The following RPTOR variants were observed in gnomAD, a reference collection of about 807,000 sequenced individuals.
The protein encoded by RPTOR is regulatory associated protein of MTOR complex 1.
Under a neutral mutation model 169.9 loss-of-function variants are expected in RPTOR, and 21 were observed. The observed-to-expected ratio is 0.12, with a 90% confidence interval of 0.09 to 0.18. RPTOR has a LOEUF of 0.18. Among genes scored for constraint, RPTOR ranks in the 10% least tolerant of loss-of-function variants. The probability of loss-of-function intolerance (pLI) is 1.00; values close to 1 mark genes in which losing one functional copy is unlikely to be tolerated. For synonymous variants in RPTOR, 732 were observed against 753.2 expected (o/e 0.97, Z 0.46); for missense variants, 1,133 against 1,855.9 (o/e 0.61, Z 7.16).
intron 4 of RPTOR, among the ~76,000 whole-genome samples, chr17:80,711,737 C>T (rs1029855587): frequency 5.0e-4 from 36 of 72,550 alleles, no homozygotes; most frequent in African/African-American, 3.5e-3. Flanking sequence ...TATAGTTATA[C>T]ATCAGTCTTT....
chr17:80,661,890 C>T (rs1190542992), intron 3 of RPTOR, among the ~76,000 whole-genome samples: 1 of 152,158 alleles, frequency 6.6e-6, no homozygotes, highest in African/African-American at 2.4e-5. Flanking sequence ...CGCTGCACAC[C>T]AGGGCCTCGG....
chr17:80,891,687 G>A (rs1567971148), intron 17 of RPTOR, 33 bp from the exon 18 acceptor site: 1 of 1,407,100 alleles, frequency 7.1e-7, no homozygotes, highest in Non-Finnish European at 1.0e-6. Context: ...TCCAGCCCCA[G>A]TGACTGTTAT....
chr17:80,757,244 T>C (rs1485159956), intron 6 of RPTOR, among the ~76,000 whole-genome samples: 1 of 152,172 alleles, frequency 6.6e-6, no homozygotes, highest in East Asian at 1.9e-4. Flanking sequence ...TTGGGAAAGC[T>C]GGAAGCCCTC....
intron 28 of RPTOR, among the ~76,000 whole-genome samples, chr17:80,955,192 G>A (rs1248478661): frequency 6.6e-6 from 1 of 152,234 alleles, no homozygotes; most frequent in Non-Finnish European, 1.5e-5. Context: ...ATGCAGACCA[G>A]CCAAGGCAAT....
chr17:80,920,813 T>G (rs1056334059), intron 21 of RPTOR, among the ~76,000 whole-genome samples: 4 of 152,256 alleles, frequency 2.6e-5, no homozygotes, highest in Non-Finnish European at 4.4e-5. Context: ...CCAGACATTT[T>G]GAGAAGGCAC....
At chr17:80,741,589 G>A (rs534139968) in intron 5 of RPTOR, among the ~76,000 whole-genome samples, 1 of 152,334 alleles carries the variant, frequency 6.6e-6, no homozygotes, top group South Asian at 2.1e-4. Context: ...CAAGAGCTCT[G>A]CTCAGGCAAT....
chr17:80,841,990 C>T (rs911006174), intron 10 of RPTOR, among the ~76,000 whole-genome samples: 4 of 150,352 alleles, frequency 2.7e-5, no homozygotes, highest in African/African-American at 9.9e-5. Flanking sequence ...CCGCAGCTCA[C>T]TCTCACCCCA....
chr17:80,800,375 C>G (rs1252940488), intron 7 of RPTOR, among the ~76,000 whole-genome samples: 15 of 152,168 alleles, frequency 9.9e-5, no homozygotes, highest in Admixed American at 9.8e-4. Context: ...TCAGGAAATC[C>G]AGTATTAACC....
intron 9 of RPTOR, among the ~76,000 whole-genome samples, chr17:80,833,458 G>A (rs559152416): frequency 2.0e-5 from 3 of 152,268 alleles, no homozygotes; most frequent in Non-Finnish European, 4.4e-5. Context: ...ACACCTTCCC[G>A]GTCCCCTCCC....
At chr17:80,570,979 G>C (rs950938306) in intron 1 of RPTOR, among the ~76,000 whole-genome samples, 1 of 152,202 alleles carries the variant, frequency 6.6e-6, no homozygotes, top group Admixed American at 6.5e-5. Flanking sequence ...GCTAGATTTA[G>C]AGTTTCTCCT....
chr17:80,883,136 G>A (rs1263886613), intron 14 of RPTOR, among the ~76,000 whole-genome samples: 1 of 152,204 alleles, frequency 6.6e-6, no homozygotes, highest in Non-Finnish European at 1.5e-5. Context: ...CGGCTGGCCT[G>A]TGACAGAGGA....
chr17:80,918,993 G>A (rs764529653), intron 21 of RPTOR, among the ~76,000 whole-genome samples: 4 of 152,158 alleles, frequency 2.6e-5, no homozygotes, highest in Admixed American at 6.5e-5. Flanking sequence ...CCACACACCC[G>A]GGTCTGAGGA....
chr17:80,799,009 G>A (rs186455669), intron 7 of RPTOR, among the ~76,000 whole-genome samples: 53 of 152,194 alleles, frequency 3.5e-4, no homozygotes, highest in Middle Eastern at 3.4e-3. Context: ...CATCTGTGCC[G>A]GCATGACCTC....
intron 11 of RPTOR, among the ~76,000 whole-genome samples, chr17:80,848,524 G>A (rs552586798): frequency 6.6e-6 from 1 of 152,352 alleles, no homozygotes; most frequent in South Asian, 2.1e-4. Context: ...AACAACATTT[G>A]ACAGAAGCCC....
At chr17:80,581,379 T>C (rs1191114657) in intron 1 of RPTOR, among the ~76,000 whole-genome samples, 1 of 152,268 alleles carries the variant, frequency 6.6e-6, no homozygotes, top group Non-Finnish European at 1.5e-5. Context: ...CCGCTGTGTA[T>C]GTGGTGGCCT....
chr17:80,772,290 C>G (rs1480357622), intron 6 of RPTOR, among the ~76,000 whole-genome samples: 2 of 152,166 alleles, frequency 1.3e-5, no homozygotes, highest in East Asian at 3.9e-4. Context: ...CATCCAAAAA[C>G]TCAATACTAG....
At chr17:80,917,416 G>A (rs1056747765) in intron 21 of RPTOR, among the ~76,000 whole-genome samples, 1 of 152,086 alleles carries the variant, frequency 6.6e-6, no homozygotes, top group Non-Finnish European at 1.5e-5. Flanking sequence ...ACCCGGCCAT[G>A]GATACATTTC....
At chr17:80,624,716 CAT>C (rs1218359845) in intron 1 of RPTOR, among the ~76,000 whole-genome samples, 1 of 152,186 alleles carries the variant, frequency 6.6e-6, no homozygotes, top group Non-Finnish European at 1.5e-5. Context: ...TATCTTGTAT[CAT>C]ATACCAGAAT....
intron 1 of RPTOR, among the ~76,000 whole-genome samples, chr17:80,587,514 AG>A (rs1378878947): frequency 1.3e-5 from 2 of 152,256 alleles, no homozygotes; most frequent in East Asian, 3.9e-4. Flanking sequence ...GTTGCCTAGG[AG>A]TGGAATTGCG....
Sources: allele counts gnomAD v4.1 joint callset (sites outside exome capture counted in the v4.1 genomes callset), GRCh38; gene constraint gnomAD v4.1.1; transcripts MANE v1.5; gene names NCBI Gene and HGNC (gene_info 2026-07-23, HGNC 2026-07-21).